The following GNE variants were observed in gnomAD, a reference collection of about 807,000 sequenced individuals.
GNE encodes the protein bifunctional UDP-N-acetylglucosamine 2-epimerase/N-acetylmannosamine kinase.
Under a neutral mutation model 61.8 loss-of-function variants are expected in GNE, and 41 were observed. The ratio of observed to expected loss-of-function variants is 0.66; its 90% CI spans 0.52 to 0.86. GNE has a LOEUF of 0.86. GNE is among the 40% of genes least tolerant of loss of function. GNE has a pLI of 0.00. For missense variants in GNE, 608 were observed against 909.1 expected (o/e 0.67, Z 4.26); for synonymous variants, 264 against 326.4 (o/e 0.81, Z 2.06).
chr9:36,219,700 C>T (rs967848545), intron 10 of GNE, 138 bp downstream of exon 10: 17 of 767,130 alleles, frequency 2.2e-5, no homozygotes, highest in Admixed American at 6.1e-5. Flanking sequence ...AGTTTTAGTG[C>T]GAGGGAGCCC....
At chr9:36,245,955 T>G in intron 3 of GNE, 76 bp downstream of exon 3, 2 of 1,161,490 alleles carry the variant, frequency 1.7e-6, no homozygotes, top group South Asian at 2.5e-5. Flanking sequence ...CATAATAGTT[T>G]CCAAAAGGAT....
intron 1 of GNE, among the ~76,000 whole-genome samples, chr9:36,275,971 G>A (rs1483571394): frequency 2.6e-5 from 4 of 152,044 alleles, no homozygotes; most frequent in South Asian, 4.1e-4. Flanking sequence ...CCAGGAGTTC[G>A]AGATCAGCCT....
intron 7 of GNE, among the ~76,000 whole-genome samples, chr9:36,224,374 C>T (rs10972797): frequency 0.17 from 25,943 of 151,880 alleles, 2,396 homozygotes; most frequent in Non-Finnish European, 0.21. Context: ...GTTCAGGCTG[C>T]GGTGAGCTGA....
chr9:36,222,860 TC>T lies in GNE; in HGVS notation c.1549del (p.Asp517MetfsTer40). The T allele has an allele frequency of 6.2e-7, 1 of 1,614,188 alleles. No homozygotes were observed. The highest frequency in any genetic ancestry group is 8.5e-7 in the Non-Finnish European group (1 of 1,180,026). On this transcript the variant is annotated frameshift_variant, in exon 9 of 12. Coordinates refer to ENST00000642385, the MANE Select transcript of GNE (RefSeq NM_005476.7). LOFTEE classifies it high-confidence loss of function. ...TLHLPVWVDN[D>X]GNCAALAERK... ...TTCCGCCAGGGCAGCACAGTTGCCATCATTGTCTACCCACACAGGGAGATGC... is the reference window on the plus strand; with the variant it reads ...TTCCGCCAGGGCAGCACAGTTGCCATATTGTCTACCCACACAGGGAGATGC...
At chr9:36,243,876 A>G (rs1216958031) in intron 3 of GNE, among the ~76,000 whole-genome samples, 1 of 152,084 alleles carries the variant, frequency 6.6e-6, no homozygotes, top group Non-Finnish European at 1.5e-5. Context: ...ATGTAATGTA[A>G]TCTAGATTAA....
At chr9:36,238,395 T>A (rs1829496121) in intron 3 of GNE, among the ~76,000 whole-genome samples, 1 of 152,182 alleles carries the variant, frequency 6.6e-6, no homozygotes, top group African/African-American at 2.4e-5. Flanking sequence ...GATCACCACA[T>A]CCACGCCAGC....
rs561370037 is a variant in GNE, at chr9:36,222,732, A to G, written c.1633+45T>C. On this transcript the variant is annotated intron_variant, in intron 9 of 11. Transcript: ENST00000642385. ...CTGACCATGTTGAAGACATGCTCCA[A>G]TATACATTCTAGCTCCTGAACCAAC... 29 of 1,232,162 alleles carry G rather than the reference A, an allele frequency of 2.4e-5. No individual in the cohort carries two copies. The South Asian group carries it at 3.0e-4, about 13-fold the overall frequency. 76.3% of individuals were successfully genotyped at this position (1,232,162 alleles called of 1,614,324 possible).
At position 36,249,259 on chromosome 9, in the gene GNE, T is replaced by A. The variant is rs1166912638; in HGVS notation, c.97A>T (p.Lys33Ter). The change falls in exon 2 of 12, where the codon AAA (lysine) becomes TAA (stop). Residue 33 changes from lysine (K) to a stop codon, truncating the protein, a stop_gained. Transcript: ENST00000642385. LOFTEE classifies it high-confidence loss of function. The part of the protein sequence containing the change: ...SKLAPIMFGI[K>*]TEPEFFELDV... ...AGTTCAAAGAACTCAGGTTCGGTTT[T>A]AATGCCAAACATGATCGGGGCAAGT... The A allele has an allele frequency of 6.2e-7, 1 of 1,614,180 alleles. No homozygotes were observed. The highest frequency in any genetic ancestry group is 2.2e-5 in the East Asian group (1 of 44,888).
upstream of GNE, among the ~76,000 whole-genome samples, chr9:36,260,907 A>G (rs907563446): frequency 6.8e-6 from 1 of 148,026 alleles, no homozygotes; most frequent in Non-Finnish European, 1.5e-5. Context: ...AAAACCCACA[A>G]ATGTATTATC....
At chr9:36,236,788 T>C (rs1450776214) in intron 4 of GNE, 44 bp downstream of exon 4, 4 of 1,569,866 alleles carry the variant, frequency 2.5e-6, no homozygotes, top group Admixed American at 1.7e-5. Flanking sequence ...AAACATAAAA[T>C]TGGGAAAAGT....
chr9:36,269,958 G>A lies in GNE; in HGVS notation c.51+6936C>T, dbSNP rs140471610. On this transcript the variant is annotated intron_variant, in intron 1 of 11. Transcript: ENST00000396594. The stretch of plus-strand genomic sequence containing the variant: ...ATTACAGGCGTGAGCCACCGCGCCC[G>A]GCCGGTTGTTGGGTTTTCTTAGAGA... 5.4e-3 allele frequency among the ~76,000 whole-genome samples: 819 copies of A among 152,058 alleles called. 8 individuals carry two copies. The highest frequency in any genetic ancestry group is 0.018 in the African/African-American group (747 of 41,514).
At chr9:36,249,549 C>G (rs1830033925) in intron 1 of GNE, among the ~76,000 whole-genome samples, 152 bp from the exon 2 acceptor site, 1 of 152,026 alleles carries the variant, frequency 6.6e-6, no homozygotes, top group Non-Finnish European at 1.5e-5. Context: ...TGCACCTCCA[C>G]TTATGTGTGA....
chr9:36,215,987 G>C lies in GNE; in HGVS notation c.*1378C>G, dbSNP rs1224099742. 2 of 277,864 alleles carry C rather than the reference G, an allele frequency of 7.2e-6. No individual in the cohort carries two copies. The highest frequency in any genetic ancestry group is 9.6e-5 in the East Asian group (1 of 10,396). The allele number at this position is 277,864 out of a possible 1,614,324, so 17.2% of individuals were successfully genotyped here. ...TCTAAGTCCCAGTGGCTTCTCAGCT[G>C]TCCTAAGAAGATAAGGACAAGGTCA... On this transcript the variant is annotated 3_prime_UTR_variant, in exon 12 of 12. Coordinates refer to ENST00000642385, the MANE Select transcript of GNE (RefSeq NM_005476.7).
intron 5 of GNE, among the ~76,000 whole-genome samples, chr9:36,233,137 T>C (rs1261223176): frequency 1.3e-5 from 2 of 152,238 alleles, no homozygotes; most frequent in South Asian, 2.1e-4. Flanking sequence ...TTCCACTGCA[T>C]GTAAACAGGA....
chr9:36,217,090 G>T lies in GNE; in HGVS notation c.*275C>A. The T allele has an allele frequency of 2.1e-6, 1 of 486,960 alleles. No homozygotes were observed. The highest frequency in any genetic ancestry group is 3.8e-6 in the Non-Finnish European group (1 of 266,384). 30.2% of individuals were successfully genotyped at this position (486,960 alleles called of 1,614,324 possible). ...CTAAGAAGGCTTCCTCTCTATTATT[G>T]TAGCTGCTTTGGCACAGAAAATTGT... On this transcript the variant is annotated 3_prime_UTR_variant, in exon 12 of 12. Transcript: ENST00000642385.
At chr9:36,224,862 C>G (rs1460481869) in intron 7 of GNE, among the ~76,000 whole-genome samples, 1 of 151,998 alleles carries the variant, frequency 6.6e-6, no homozygotes, top group African/African-American at 2.4e-5. Context: ...AGAGTGAAAC[C>G]CTGTCTCAAA....
At chr9:36,231,561 C>G (rs1439491912) in intron 5 of GNE, among the ~76,000 whole-genome samples, 1 of 152,192 alleles carries the variant, frequency 6.6e-6, no homozygotes, top group African/African-American at 2.4e-5. Context: ...TTGCAACTTT[C>G]AGGTCTTGCC....
chr9:36,238,009 G>T (rs190769065), intron 3 of GNE, among the ~76,000 whole-genome samples: 2 of 151,990 alleles, frequency 1.3e-5, no homozygotes, highest in East Asian at 3.9e-4. Flanking sequence ...TTTTATGGCT[G>T]CATAGTATTC....
chr9:36,262,009 T>G (rs1830633089), upstream of GNE, among the ~76,000 whole-genome samples: 1 of 151,680 alleles, frequency 6.6e-6, no homozygotes, highest in Non-Finnish European at 1.5e-5. Context: ...ATATGCAGAA[T>G]AGAACGTTAA....
Sources: allele counts gnomAD v4.1 joint callset (sites outside exome capture counted in the v4.1 genomes callset), GRCh38; gene constraint gnomAD v4.1.1; transcripts MANE v1.5; gene names NCBI Gene and HGNC (gene_info 2026-07-23, HGNC 2026-07-21).